MAST3: variants seen among roughly 807,000 people sequenced by gnomAD.
MAST3 encodes the protein microtubule associated serine/threonine kinase 3, also known as microtubule-associated serine/threonine-protein kinase 3.
MAST3 carries 43 observed loss-of-function variants against 127.0 expected under a neutral mutation model. The ratio of observed to expected loss-of-function variants is 0.34; its 90% CI spans 0.27 to 0.44. The LOEUF is 0.44. MAST3 is among the 20% of genes least tolerant of loss of function. The probability of loss-of-function intolerance (pLI) is 1.00; values close to 1 mark genes in which losing one functional copy is unlikely to be tolerated. For missense variants in MAST3, 1,390 were observed against 1,919.1 expected, an observed-to-expected ratio of 0.72 and a Z score of 5.15; for synonymous variants, 785 against 809.2, an observed-to-expected ratio of 0.97 and a Z score of 0.51.
chr19:18,104,351 A>G (rs62121155), intron 1 of MAST3, among the ~76,000 whole-genome samples: 56,080 of 151,722 alleles, frequency 0.37, 10,789 homozygotes, highest in Admixed American at 0.42. Flanking sequence ...AAGCAGTCAG[A>G]GAGACCTTCG....
In MAST3 at chr19:18,112,495, C is replaced by T. The variant is rs552362068; in HGVS notation, c.161+1754C>T. 6.6e-4 allele frequency among the ~76,000 whole-genome samples: 101 copies of T among 152,202 alleles called. No individual in the cohort carries two copies. The highest frequency in any genetic ancestry group is 1.2e-3 in the Non-Finnish European group (85 of 68,016). On this transcript the variant is annotated intron_variant, in intron 3 of 27. Transcript: ENST00000687212. This position sits in a 1 kb window ranked among gnomAD's most constrained non-coding sequence, Gnocchi z 4.1. ...GATTACAGGCACACACCAACACTCC[C>T]GGCTAATTTTTGTATTTTCAGTAAA...
In MAST3 at chr19:18,110,889, C is replaced by T. The variant is rs1278146916; in HGVS notation, c.161+148C>T. The T allele has an allele frequency of 1.1e-5, 2 of 187,072 alleles. No individual in the cohort carries two copies. Among genetic ancestry groups the T allele is most frequent in the Non-Finnish European group, 2.0e-5 (2 of 99,502 alleles). 11.6% of individuals were successfully genotyped at this position (187,072 alleles called of 1,614,324 possible). A position where few individuals can be genotyped will look rare whatever the true frequency, so the allele number is the denominator to read the frequency against. On this transcript the variant is annotated intron_variant, in intron 3 of 27. Transcript: ENST00000687212. The surrounding 1 kb of genome is among the most constrained non-coding windows in gnomAD (Gnocchi z 4.3). ...CTCAGTTTACCCCTCCACATAATGG[C>T]ACTGCGATACGTTCTAGGGGCTTAA...
intron 3 of MAST3, chr19:18,118,339 G>A: frequency 1.2e-6 from 1 of 804,036 alleles, no homozygotes; most frequent in Non-Finnish European, 1.5e-6. Context: ...GCGTGGCGCG[G>A]ACCACGGCGA....
rs569970440 is a variant in MAST3, at chr19:18,142,390, C to T, written c.2339+375C>T. On this transcript the variant is annotated intron_variant, in intron 21 of 27. Coordinates refer to ENST00000687212, the MANE Select transcript of MAST3 (RefSeq NM_001393504.1). ...TTTTTGAGACGGAGTCTCGCTCTGT[C>T]GCACAGGCTGGAGTGCAGTGGCGCA... Among the ~76,000 whole-genome samples, 908 of 134,058 alleles carry T rather than the reference C, an allele frequency of 6.8e-3. 10 individuals are homozygous for T. The highest frequency in any genetic ancestry group is 0.025 in the African/African-American group (884 of 35,528). 87.9% of individuals were successfully genotyped at this position (134,058 alleles called of 152,430 possible). A position where few individuals can be genotyped will look rare whatever the true frequency, so the allele number is the denominator to read the frequency against.
Position 18,147,751 on chromosome 19 carries a change from G to T in MAST3, c.3508+127G>T, listed in dbSNP as rs141035280. On this transcript the variant is annotated intron_variant, in intron 27 of 27. Coordinates refer to ENST00000687212, the MANE Select transcript of MAST3 (RefSeq NM_001393504.1). ...TAGGGAAAAAGATGACCGGGATCCT[G>T]GTGTCTAGCAGGGAACCTGGGAGTA... is the stretch of plus-strand genomic sequence containing the variant. The T allele has an allele frequency of 1.9e-5, 14 of 726,132 alleles. No homozygotes were observed. The East Asian group carries it at 3.9e-4, about 20-fold the overall frequency. The allele number at this position is 726,132 out of a possible 1,614,324, so 45.0% of individuals were successfully genotyped here. A position where few individuals can be genotyped will look rare whatever the true frequency, so the allele number is the denominator to read the frequency against.
chr19:18,134,580 C>T lies in MAST3; in HGVS notation c.1573C>T (p.Leu525=), dbSNP rs772677493. Residue 525 remains leucine (L), a splice_region_variant and synonymous_variant, in exon 16 of 28, where the codon CTG becomes TTG. Coordinates refer to ENST00000687212, the MANE Select transcript of MAST3 (RefSeq NM_001393504.1). ...IVHRDLKPDN[L]LITSLGHIKL... ...AGCACACTCCTAACCTGCCCACAGT[C>T]TGCTCATCACCTCGCTTGGCCACAT... 3.1e-6 allele frequency: 5 copies of T among 1,610,808 alleles called. No homozygotes were observed. Among genetic ancestry groups the T allele is most frequent in the Admixed American group, 1.7e-5 (1 of 59,806 alleles).
chr19:18,122,986 G>A (rs1302185153), intron 6 of MAST3, among the ~76,000 whole-genome samples: 3 of 152,220 alleles, frequency 2.0e-5, no homozygotes, highest in Non-Finnish European at 4.4e-5. Flanking sequence ...ATGGGGTCAG[G>A]GCCTGACCAG....
At chr19:18,115,429 G>A (rs532881554) in intron 3 of MAST3, among the ~76,000 whole-genome samples, 1 of 152,136 alleles carries the variant, frequency 6.6e-6, no homozygotes, top group African/African-American at 2.4e-5. Flanking sequence ...GTGTGCAAAG[G>A]TGTGTCCCCG....
At chr19:18,131,763 C>T (rs1479114312) in intron 14 of MAST3, 146 bp from the exon 15 acceptor site, 1 of 824,876 alleles carries the variant, frequency 1.2e-6, no homozygotes, top group South Asian at 1.6e-5. Flanking sequence ...CCCTCTCCCC[C>T]GACCCTCCCC....
chr19:18,123,693 T>G, intron 8 of MAST3, 38 bp downstream of exon 8: 3 of 1,461,084 alleles, frequency 2.1e-6, no homozygotes, highest in Non-Finnish European at 2.8e-6. Flanking sequence ...CCCCTGCACT[T>G]CTTTCCACAT....
chr19:18,128,729 C>A, intron 12 of MAST3, 137 bp from the exon 13 acceptor site: 1 of 717,908 alleles, frequency 1.4e-6, no homozygotes, highest in South Asian at 1.7e-5. Flanking sequence ...TACAGAAAGT[C>A]AGAAGCTGAG....
intron 3 of MAST3, among the ~76,000 whole-genome samples, chr19:18,115,261 CCT>C (rs976322961): frequency 6.6e-6 from 1 of 152,004 alleles, no homozygotes; most frequent in Non-Finnish European, 1.5e-5. Flanking sequence ...CAGCTGCAGC[CCT>C]GTTTTGCAGA....
In MAST3 at chr19:18,135,816, G is replaced by C. The variant is rs1191408853; in HGVS notation, c.1947G>C (p.Gln649His). 4 of 1,609,350 alleles carry C rather than the reference G, an allele frequency of 2.5e-6. No homozygotes were observed. The highest frequency in any genetic ancestry group is 1.7e-6 in the Non-Finnish European group (2 of 1,177,962). The stretch of plus-strand genomic sequence containing the variant: ...ACCTCATCACCAGGTTGCTCCGGCA[G>C]AGCCCGCTGGACCGTCTGGGCACTG... ...AQDLITRLLRQSPLDRLGTGG... is the reference protein window; with the variant it reads ...AQDLITRLLRHSPLDRLGTGG... Residue 649 changes from glutamine (Q) to histidine (H), a missense_variant, in exon 18 of 28, where the codon CAG becomes CAC. Coordinates refer to ENST00000687212, the MANE Select transcript of MAST3 (RefSeq NM_001393504.1).
Position 18,123,353 on chromosome 19 carries a change from G to A in MAST3, c.536G>A (p.Arg179Gln), listed in dbSNP as rs367552076. The A allele has an allele frequency of 1.9e-5, 30 of 1,612,508 alleles. No individual in the cohort carries two copies. The Admixed American group carries it at 3.8e-4, about 21-fold the overall frequency. Reference sequence around the variant, plus strand: ...GAAGGCGGCCGGTCACCCCGCCTCCGACCCCGCTCTCGCAGTCTCAGGTGG... The same window carrying A: ...GAAGGCGGCCGGTCACCCCGCCTCCAACCCCGCTCTCGCAGTCTCAGGTGG... The part of the protein sequence containing the change: ...DEEGGRSPRL[R>Q]PRSRSLSPGR... Residue 179 changes from arginine (R) to glutamine (Q), a missense_variant, in exon 7 of 28, where the codon CGA (arginine) becomes CAA (glutamine). Physicochemically the swap from Arg to Gln is conservative, Grantham distance 43 (BLOSUM62 1). Around this residue, in one of 5 missense-constraint regions of MAST3, gnomAD observed 277 missense variants for 384.8 expected, o/e 0.72. Coordinates refer to ENST00000687212, the MANE Select transcript of MAST3 (RefSeq NM_001393504.1).
At chr19:18,123,469 C>T (rs1599751130) in intron 7 of MAST3, 95 bp downstream of exon 7, 2 of 1,480,194 alleles carry the variant, frequency 1.4e-6, no homozygotes, top group African/African-American at 2.8e-5. Context: ...CCTGACCCTG[C>T]CTGAGCCTAG....
At chr19:18,114,947 G>A (rs1365051350) in intron 3 of MAST3, among the ~76,000 whole-genome samples, 1 of 152,148 alleles carries the variant, frequency 6.6e-6, no homozygotes, top group East Asian at 1.9e-4. Context: ...AAAAGGGACC[G>A]TTGAACGGGG....
In MAST3 at chr19:18,149,634, G is replaced by A. The variant is rs1295238644; in HGVS notation, c.3952G>A (p.Glu1318Lys). ...GGTTAGCTTCGATGAGCCGCAGGAGGAGGCCACTGGGCTGCCCACCTCAGT... is the reference window on the plus strand; with the variant it reads ...GGTTAGCTTCGATGAGCCGCAGGAGAAGGCCACTGGGCTGCCCACCTCAGT... ...QEVSFDEPQE[E>K]ATGLPTSVPQ... is the part of the protein sequence containing the mutation. The change falls in exon 28 of 28, where the codon GAG (glutamate) becomes AAG (lysine). Residue 1318 changes from glutamate to lysine, a missense_variant. Glu to Lys is a moderately conservative substitution (Grantham distance 56, BLOSUM62 1). Coordinates refer to ENST00000687212, the MANE Select transcript of MAST3 (RefSeq NM_001393504.1). The surrounding 1 kb of genome is among the most constrained non-coding windows in gnomAD (Gnocchi z 5.9). 1 of 1,613,274 alleles carries A rather than the reference G, an allele frequency of 6.2e-7. No individual in the cohort carries two copies. The highest frequency in any genetic ancestry group is 1.7e-5 in the Admixed American group (1 of 60,010).
chr19:18,148,524 G>C (rs1436154570), intron 27 of MAST3, among the ~76,000 whole-genome samples: 1 of 152,110 alleles, frequency 6.6e-6, no homozygotes, highest in South Asian at 2.1e-4. Flanking sequence ...TTCTGGAGGA[G>C]GGGGAGTAGG....
At chr19:18,108,789 G>A (rs1489356039) in intron 2 of MAST3, among the ~76,000 whole-genome samples, 2 of 152,180 alleles carry the variant, frequency 1.3e-5, no homozygotes, top group Non-Finnish European at 2.9e-5. Flanking sequence ...CTAGTGGTCT[G>A]GAAGTGTGTG....
Sources: gnomAD v4.1 joint callset for allele counts (sites outside exome capture counted in the v4.1 genomes callset) on GRCh38, gnomAD v4.1.1 for gene constraint, gnomAD v4.1.1 regional missense constraint, Gnocchi (gnomAD v3.1) non-coding constraint, MANE v1.5 for transcripts, NCBI Gene and HGNC (gene_info 2026-07-23, HGNC 2026-07-21) for gene names.